Variants in CDH2 observed in about 807,000 individuals in gnomAD.
CDH2 encodes the protein cadherin-2.
Under a neutral mutation model 92.0 loss-of-function variants are expected in CDH2, and 17 were observed. That is an observed-to-expected ratio of 0.18 (90% confidence interval 0.13 to 0.28). The LOEUF is 0.28. Among genes scored for constraint, CDH2 ranks in the 10% least tolerant of loss-of-function variants. The pLI is 1.00. For synonymous variants in CDH2, 419 were observed against 415.9 expected (o/e 1.01, Z -0.09); for missense variants, 862 against 1,133.1 (o/e 0.76, Z 3.44).
chr18:28,168,403 T>C lies in CDH2; in HGVS notation c.60+8560A>G, dbSNP rs17495348. Among the ~76,000 whole-genome samples the C allele has an allele frequency of 4.2e-3, 634 of 152,212 alleles. 4 individuals carry two copies. Among genetic ancestry groups the C allele is most frequent in the African/African-American group, 0.014 (602 of 41,558 alleles). On this transcript the variant is annotated intron_variant, in intron 1 of 15. Coordinates refer to ENST00000269141, the MANE Select transcript of CDH2 (RefSeq NM_001792.5). ...GAAAAAGTAATGCAAAGTGTTCAAA[T>C]ATGGAAAATGTTTGAACATTAAACA... is the stretch of plus-strand genomic sequence containing the variant.
intron 2 of CDH2, among the ~76,000 whole-genome samples, chr18:28,123,393 C>T (rs564037889): frequency 6.6e-6 from 1 of 152,228 alleles, no homozygotes; most frequent in South Asian, 2.1e-4. Context: ...TATTCAAAAT[C>T]ATTTAGCAGC....
At chr18:28,095,800 A>G (rs1181192600) in intron 2 of CDH2, among the ~76,000 whole-genome samples, 2 of 114,828 alleles carry the variant, frequency 1.7e-5, no homozygotes, top group Non-Finnish European at 3.7e-5. Flanking sequence ...ATAGGATGCA[A>G]CTCCATCAAA....
chr18:28,162,587 C>T (rs1056648762), intron 1 of CDH2, among the ~76,000 whole-genome samples: 1 of 152,250 alleles, frequency 6.6e-6, no homozygotes, highest in Non-Finnish European at 1.5e-5. Flanking sequence ...CGAGTTTGCT[C>T]CATGAAACTG....
At chr18:28,004,291 C>T (rs939114365) in intron 6 of CDH2, among the ~76,000 whole-genome samples, 4 of 152,176 alleles carry the variant, frequency 2.6e-5, no homozygotes, top group Non-Finnish European at 5.9e-5. Context: ...ACAGCATATG[C>T]TTTATAAACA....
intron 2 of CDH2, among the ~76,000 whole-genome samples, chr18:28,141,855 T>G (rs574764629): frequency 6.6e-6 from 1 of 152,090 alleles, no homozygotes; most frequent in East Asian, 1.9e-4. Flanking sequence ...TGCTGTTAGC[T>G]CTCTTTGTAA....
intron 15 of CDH2, among the ~76,000 whole-genome samples, chr18:27,957,590 T>G (rs1031104872): frequency 2.0e-5 from 3 of 152,120 alleles, no homozygotes; most frequent in African/African-American, 7.2e-5. Flanking sequence ...GACACTAGAT[T>G]GTGACATCCC....
intron 2 of CDH2, among the ~76,000 whole-genome samples, chr18:28,034,065 C>A (rs561502821): frequency 5.8e-4 from 88 of 151,894 alleles, no homozygotes; most frequent in African/African-American, 2.0e-3. Context: ...TTTATCAATT[C>A]TTTCTGGTTT....
At chr18:28,117,007 TG>T (rs1426135646) in intron 2 of CDH2, among the ~76,000 whole-genome samples, 1 of 152,172 alleles carries the variant, frequency 6.6e-6, no homozygotes, top group South Asian at 2.1e-4. Context: ...ATCTGATTTT[TG>T]TACTCTTCCT....
Position 27,952,128 on chromosome 18 carries a change from C to T in CDH2, c.*25G>A. 1 of 1,595,790 alleles carries T rather than the reference C, an allele frequency of 6.3e-7. No individual in the cohort carries two copies. Among genetic ancestry groups the T allele is most frequent in the Non-Finnish European group, 8.6e-7 (1 of 1,163,970 alleles). On this transcript the variant is annotated 3_prime_UTR_variant, in exon 16 of 16. Coordinates refer to ENST00000269141, the MANE Select transcript of CDH2 (RefSeq NM_001792.5). ...ATCAGTTGAAATTGTTTGTACTTGT[C>T]CAAAAACCAAGTTCACCCTGAAGTT...
intron 2 of CDH2, among the ~76,000 whole-genome samples, chr18:28,119,292 A>T (rs747796633): frequency 2.6e-5 from 4 of 152,106 alleles, no homozygotes; most frequent in Non-Finnish European, 4.4e-5. Context: ...ATTCAGGTAT[A>T]TCCCATGCAC....
intron 2 of CDH2, among the ~76,000 whole-genome samples, chr18:28,071,285 C>T (rs773986915): frequency 2.5e-4 from 38 of 151,998 alleles, no homozygotes; most frequent in Admixed American, 2.6e-4. Context: ...TGGGAAAATA[C>T]GTATGTGCCG....
chr18:28,132,029 C>T (rs2144295593), intron 2 of CDH2, among the ~76,000 whole-genome samples: 1 of 152,282 alleles, frequency 6.6e-6, no homozygotes, highest in African/African-American at 2.4e-5. Context: ...AGGTGACCTC[C>T]TCTCAGGCTC....
At chr18:28,057,575 G>A (rs2014316421) in intron 2 of CDH2, among the ~76,000 whole-genome samples, 1 of 151,942 alleles carries the variant, frequency 6.6e-6, no homozygotes, top group Non-Finnish European at 1.5e-5. Context: ...GTCGAGGCAG[G>A]AGAATTGCTT....
At chr18:28,035,080 A>C (rs1041061621) in intron 2 of CDH2, among the ~76,000 whole-genome samples, 4 of 152,102 alleles carry the variant, frequency 2.6e-5, no homozygotes, top group Admixed American at 2.0e-4. Context: ...GCTCCTCAGG[A>C]AAGATTAACT....
At chr18:28,001,173 C>G (rs1038928252) in intron 7 of CDH2, among the ~76,000 whole-genome samples, 1 of 152,218 alleles carries the variant, frequency 6.6e-6, no homozygotes, top group Non-Finnish European at 1.5e-5. Context: ...TAGTGAACAG[C>G]TTCTCTATCC....
chr18:27,936,816 A>G (rs1909031066), intron 6 of CDH2, among the ~76,000 whole-genome samples: 1 of 152,046 alleles, frequency 6.6e-6, no homozygotes, highest in Admixed American at 6.5e-5. Flanking sequence ...TTGGCATTAC[A>G]GGCTGAGCCA....
chr18:28,061,233 C>T (rs2014396590), intron 2 of CDH2, among the ~76,000 whole-genome samples: 1 of 152,182 alleles, frequency 6.6e-6, no homozygotes, highest in Non-Finnish European at 1.5e-5. Context: ...TTGTTTTAAA[C>T]TTAAAGCAAA....
chr18:28,106,279 T>C (rs141593991), intron 2 of CDH2, among the ~76,000 whole-genome samples: 3,046 of 152,266 alleles, frequency 0.02, 122 homozygotes, highest in African/African-American at 0.069. Flanking sequence ...TAGCAGGGCA[T>C]GGTGGTGTGC....
At chr18:28,174,790 G>T (rs888765587) in intron 1 of CDH2, among the ~76,000 whole-genome samples, 1 of 152,028 alleles carries the variant, frequency 6.6e-6, no homozygotes, top group Admixed American at 6.6e-5. Flanking sequence ...TCCTAACTTC[G>T]CTGCACAGTA....
Sources: allele counts gnomAD v4.1 joint callset (sites outside exome capture counted in the v4.1 genomes callset), GRCh38; gene constraint gnomAD v4.1.1; transcripts MANE v1.5; gene names NCBI Gene and HGNC (gene_info 2026-07-23, HGNC 2026-07-21).